The following NEGR1 variants were observed in gnomAD, a reference collection of about 807,000 sequenced individuals.
NEGR1 encodes IgLON family member 4.
A neutral mutation model predicts 40.9 loss-of-function variants in NEGR1; 10 were observed. That is an observed-to-expected ratio of 0.24 (90% CI 0.15 to 0.42). The LOEUF (loss-of-function observed/expected upper bound fraction) is 0.42. Ranked by LOEUF, NEGR1 falls within the 10% of genes least tolerant of loss-of-function variation. The pLI is 1.00. For synonymous variants in NEGR1, 185 were observed against 166.8 expected (o/e 1.11, Z -0.84); for missense variants, 352 against 438.9 (o/e 0.80, Z 1.77).
intron 2 of NEGR1, among the ~76,000 whole-genome samples, chr1:71,849,693 T>C (rs1290992360): frequency 6.6e-6 from 1 of 152,160 alleles, no homozygotes; most frequent in African/African-American, 2.4e-5. Flanking sequence ...AACTTGCTTG[T>C]TTTATTTTAA....
chr1:71,566,725 CAA>C (rs1280958379), intron 6 of NEGR1, among the ~76,000 whole-genome samples: 1 of 152,024 alleles, frequency 6.6e-6, no homozygotes, highest in African/African-American at 2.4e-5. Context: ...AATACATGAG[CAA>C]AAAATAACAG....
chr1:72,055,302 A>G (rs924420053), intron 1 of NEGR1, among the ~76,000 whole-genome samples: 1 of 151,212 alleles, frequency 6.6e-6, no homozygotes, highest in Admixed American at 6.6e-5. Context: ...CCTTTTGAAC[A>G]AGGCATTTAC....
rs527478363 is a variant in NEGR1 at position 72,042,535 on chromosome 1, A to G, written c.177-107224T>C. Among the ~76,000 whole-genome samples the G allele has an allele frequency of 2.0e-5, 3 of 152,116 alleles. No individual in the cohort carries two copies. The East Asian group carries it at 5.8e-4, about 29-fold the overall frequency. ...CAGAGAGCACCAATGTCAGATCACG[A>G]TAGCACAAATAAAAGAATACTCTTT... is the stretch of plus-strand genomic sequence containing the variant. On this transcript the variant is annotated intron_variant, in intron 1 of 6. Coordinates refer to ENST00000357731, the MANE Select transcript of NEGR1 (RefSeq NM_173808.3).
At chr1:71,895,210 T>C (rs1224578491) in intron 2 of NEGR1, among the ~76,000 whole-genome samples, 2 of 152,194 alleles carry the variant, frequency 1.3e-5, no homozygotes, top group Non-Finnish European at 2.9e-5. Context: ...ATCATTATCA[T>C]CTAACCTTAG....
rs190427426 is a variant in NEGR1, at chr1:71,659,379, G to A, written c.667+38629C>T. ...AAAACACAAAACTGTAAAAACTCTGGAAGACAACCTAGGCAATACCATACT... is the reference window on the plus strand; with the variant it reads ...AAAACACAAAACTGTAAAAACTCTGAAAGACAACCTAGGCAATACCATACT... On this transcript the variant is annotated intron_variant, in intron 4 of 6. Coordinates refer to ENST00000357731, the MANE Select transcript of NEGR1 (RefSeq NM_173808.3). Among the ~76,000 whole-genome samples the A allele has an allele frequency of 1.2e-3, 184 of 152,220 alleles. 1 individual carries two copies. Among genetic ancestry groups the A allele is most frequent in the Non-Finnish European group, 1.9e-3 (126 of 67,994 alleles).
At chr1:71,930,948 G>A (rs1645849613) in intron 2 of NEGR1, among the ~76,000 whole-genome samples, 2 of 152,156 alleles carry the variant, frequency 1.3e-5, no homozygotes, top group African/African-American at 4.8e-5. Context: ...AGCAGTCATT[G>A]GGTGTTGGCT....
At chr1:72,273,947 T>G (rs1477674264) in intron 1 of NEGR1, among the ~76,000 whole-genome samples, 1 of 151,638 alleles carries the variant, frequency 6.6e-6, no homozygotes, top group East Asian at 1.9e-4. Context: ...GCTAAGGCCC[T>G]AGGGATAGCT....
At chr1:72,095,825 C>A (rs6694418) in intron 1 of NEGR1, among the ~76,000 whole-genome samples, 2 of 152,006 alleles carry the variant, frequency 1.3e-5, no homozygotes, top group Non-Finnish European at 2.9e-5. Flanking sequence ...GGAATACCTA[C>A]GAGGGTGAAT....
intron 2 of NEGR1, among the ~76,000 whole-genome samples, chr1:71,918,335 C>A (rs1254586578): frequency 1.3e-5 from 2 of 148,238 alleles, no homozygotes; most frequent in Non-Finnish European, 3.0e-5. Context: ...TTGCAGTAAT[C>A]CCAACCACAT....
At chr1:72,181,590 T>C (rs2100413650) in intron 1 of NEGR1, among the ~76,000 whole-genome samples, 1 of 152,196 alleles carries the variant, frequency 6.6e-6, no homozygotes, top group South Asian at 2.1e-4. Context: ...CTCCCCAAAA[T>C]GAAATCACCA....
At chr1:71,546,327 A>G (rs1162071997) in intron 6 of NEGR1, among the ~76,000 whole-genome samples, 1 of 151,722 alleles carries the variant, frequency 6.6e-6, no homozygotes, top group Non-Finnish European at 1.5e-5. Flanking sequence ...TCAAAAGTTG[A>G]TGGAATACCC....
At chr1:71,928,526 ACATC>A (rs2101891772) in intron 2 of NEGR1, among the ~76,000 whole-genome samples, 1 of 143,748 alleles carries the variant, frequency 7.0e-6, no homozygotes, top group African/African-American at 2.6e-5. Flanking sequence ...ATATATACAC[ACATC>A]TATACACATA....
chr1:71,529,711 A>G (rs534258235), intron 6 of NEGR1, among the ~76,000 whole-genome samples: 1 of 151,308 alleles, frequency 6.6e-6, no homozygotes, highest in Admixed American at 6.6e-5. Flanking sequence ...GCCATTGTCC[A>G]GAATAACTTA....
chr1:71,998,998 T>C (rs899077650), intron 1 of NEGR1, among the ~76,000 whole-genome samples: 1 of 151,914 alleles, frequency 6.6e-6, no homozygotes, highest in African/African-American at 2.4e-5. Context: ...TATTAAACGA[T>C]CAATATAGTT....
intron 2 of NEGR1, among the ~76,000 whole-genome samples, chr1:71,921,320 C>A (rs1570504638): frequency 6.6e-6 from 1 of 151,996 alleles, no homozygotes; most frequent in Non-Finnish European, 1.5e-5. Context: ...AAAATCTTTA[C>A]CAGTTGGGAT....
At chr1:71,416,019 T>A (rs1278211748) in intron 6 of NEGR1, among the ~76,000 whole-genome samples, 1 of 152,144 alleles carries the variant, frequency 6.6e-6, no homozygotes, top group Non-Finnish European at 1.5e-5. Context: ...GACTTTAGCT[T>A]GGGCCTCTAG....
At chr1:71,734,404 G>A (rs1024231676) in intron 3 of NEGR1, among the ~76,000 whole-genome samples, 5 of 152,090 alleles carry the variant, frequency 3.3e-5, no homozygotes, top group Non-Finnish European at 7.4e-5. Context: ...CAGAATTGTT[G>A]GAAGGCTATT....
Position 71,613,894 on chromosome 1 carries a change from A to T in NEGR1, c.668-2748T>A, listed in dbSNP as rs59762420. Among the ~76,000 whole-genome samples the T allele has an allele frequency of 5.2e-3, 799 of 152,276 alleles. 5 individuals are homozygous for T. The highest frequency in any genetic ancestry group is 0.018 in the African/African-American group (761 of 41,564). ...TGATTTCTTTGGAAAGCAATTAAAA[A>T]GTACAGCACTTAATGGTTTATCAAT... On this transcript the variant is annotated intron_variant, in intron 4 of 6. Transcript: ENST00000357731.
chr1:72,046,598 A>G (rs1471412697), intron 1 of NEGR1, among the ~76,000 whole-genome samples: 2 of 151,634 alleles, frequency 1.3e-5, no homozygotes, highest in Non-Finnish European at 3.0e-5. Flanking sequence ...AATAATCTTT[A>G]GTTATTTAAA....
Sources: allele counts gnomAD v4.1 joint callset (sites outside exome capture counted in the v4.1 genomes callset), GRCh38; gene constraint gnomAD v4.1.1; transcripts MANE v1.5; gene names NCBI Gene and HGNC (gene_info 2026-07-23, HGNC 2026-07-21).